Variants in GALNT13 observed in about 807,000 individuals in gnomAD.
GALNT13 encodes the protein UDP-GalNAc:polypeptide N-acetylgalactosaminyltransferase 13.
In GALNT13, 28 loss-of-function variants were observed where a neutral mutation model predicts 64.2. The ratio of observed to expected loss-of-function variants is 0.44; its 90% CI spans 0.32 to 0.60. The LOEUF is 0.60. Ranked by LOEUF, GALNT13 falls within the 20% of genes least tolerant of loss-of-function variation. GALNT13 has a pLI of 0.05. For missense variants in GALNT13, 577 were observed against 669.8 expected (o/e 0.86, Z 1.53); for synonymous variants, 214 against 224.6 (o/e 0.95, Z 0.42).
the GALNT13 span, among the ~76,000 whole-genome samples, chr2:153,725,495 G>T: frequency 1.3e-5 from 2 of 149,364 alleles, no homozygotes; most frequent in African/African-American, 4.9e-5. Flanking sequence ...TAAAAAAAAA[G>T]AAAAAAGCTA....
At chr2:153,752,787 C>G in the GALNT13 span, among the ~76,000 whole-genome samples, 2 of 152,024 alleles carry the variant, frequency 1.3e-5, no homozygotes, top group African/African-American at 4.8e-5. Flanking sequence ...TGATATCTTT[C>G]TCTAGGTTTG....
the GALNT13 span, among the ~76,000 whole-genome samples, chr2:153,522,006 G>A: frequency 5.9e-5 from 9 of 152,104 alleles, no homozygotes; most frequent in Admixed American, 1.3e-4. Flanking sequence ...ATAAACATCT[G>A]TATGCATTTT....
the GALNT13 span, among the ~76,000 whole-genome samples, chr2:153,262,600 A>G: frequency 6.6e-6 from 1 of 152,194 alleles, no homozygotes; most frequent in African/African-American, 2.4e-5. Flanking sequence ...CTTATCCACC[A>G]TGACCACCAA....
chr2:154,373,672 T>C (rs1229156300), intron 9 of GALNT13, among the ~76,000 whole-genome samples: 1 of 152,196 alleles, frequency 6.6e-6, no homozygotes, highest in Admixed American at 6.5e-5. Flanking sequence ...TTTTATATTG[T>C]CTTTACTTAC....
chr2:153,640,082 C>T, the GALNT13 span, among the ~76,000 whole-genome samples: 1 of 151,998 alleles, frequency 6.6e-6, no homozygotes, highest in Non-Finnish European at 1.5e-5. Flanking sequence ...CCTGACTTGA[C>T]CTAGTAATGG....
chr2:154,385,350 A>G (rs974388509), intron 9 of GALNT13, among the ~76,000 whole-genome samples: 1 of 151,922 alleles, frequency 6.6e-6, no homozygotes, highest in Admixed American at 6.6e-5. Flanking sequence ...AGAATTTGCA[A>G]CGTGAGTCCT....
At chr2:154,007,754 T>C (rs1403850439) in intron 3 of GALNT13, among the ~76,000 whole-genome samples, 1 of 151,968 alleles carries the variant, frequency 6.6e-6, no homozygotes, top group African/African-American at 2.4e-5. Flanking sequence ...ATTTTTTGTA[T>C]AGAAGGAGCA....
At chr2:153,144,560 A>T in the GALNT13 span, among the ~76,000 whole-genome samples, 6 of 151,956 alleles carry the variant, frequency 3.9e-5, no homozygotes, top group Non-Finnish European at 8.8e-5. Flanking sequence ...GAAGAGAAGT[A>T]AGTCTGGTAT....
At chr2:154,102,263 C>G (rs1012786455) in intron 3 of GALNT13, among the ~76,000 whole-genome samples, 3 of 152,106 alleles carry the variant, frequency 2.0e-5, no homozygotes, top group Non-Finnish European at 4.4e-5. Flanking sequence ...AGCTAGTGCT[C>G]TCTTGAAAGC....
intron 8 of GALNT13, among the ~76,000 whole-genome samples, chr2:154,261,292 T>A (rs949216611): frequency 4.6e-5 from 7 of 152,190 alleles, no homozygotes; most frequent in African/African-American, 1.7e-4. Flanking sequence ...AGTGACTATT[T>A]TAAAACAATA....
chr2:154,013,265 A>G (rs904502001), intron 3 of GALNT13, among the ~76,000 whole-genome samples: 2 of 151,236 alleles, frequency 1.3e-5, no homozygotes, highest in Non-Finnish European at 2.9e-5. Flanking sequence ...TGATTGTGGT[A>G]TAGGGTGCCT....
At chr2:153,658,504 C>T in the GALNT13 span, among the ~76,000 whole-genome samples, 6 of 152,076 alleles carry the variant, frequency 3.9e-5, no homozygotes, top group African/African-American at 1.2e-4. Flanking sequence ...TTGGCCTTAG[C>T]ATTAATTTAT....
chr2:154,037,274 G>A (rs1429951108), intron 3 of GALNT13, among the ~76,000 whole-genome samples: 1 of 151,942 alleles, frequency 6.6e-6, no homozygotes, highest in Non-Finnish European at 1.5e-5. Context: ...GCCTTGGCTG[G>A]GTTCTCCTAT....
At chr2:153,475,676 A>G in the GALNT13 span, among the ~76,000 whole-genome samples, 2 of 152,292 alleles carry the variant, frequency 1.3e-5, no homozygotes, top group African/African-American at 4.8e-5. Flanking sequence ...GTGCCCGTAC[A>G]CAGCAGAGTA....
chr2:153,400,013 G>A, the GALNT13 span, among the ~76,000 whole-genome samples: 1 of 151,802 alleles, frequency 6.6e-6, no homozygotes, highest in Non-Finnish European at 1.5e-5. Context: ...AGTTTTCAAA[G>A]GGAATGCTTC....
At chr2:153,138,156 A>C in the GALNT13 span, among the ~76,000 whole-genome samples, 1 of 152,096 alleles carries the variant, frequency 6.6e-6, no homozygotes, top group African/African-American at 2.4e-5. Flanking sequence ...AAGGTCCCAC[A>C]GCTATAGAGG....
At chr2:153,455,977 G>A in the GALNT13 span, among the ~76,000 whole-genome samples, 1 of 152,200 alleles carries the variant, frequency 6.6e-6, no homozygotes, top group African/African-American at 2.4e-5. Flanking sequence ...CTAGCCCCCT[G>A]AAGTCCGGCC....
At chr2:153,965,795 AT>A in intron 3 of GALNT13, among the ~76,000 whole-genome samples, 1 of 143,732 alleles carries the variant, frequency 7.0e-6, no homozygotes, top group African/African-American at 2.8e-5. Flanking sequence ...AAAGGAAAAA[AT>A]AAGCAAAAAA....
chr2:154,111,546 G>A (rs184004217), intron 3 of GALNT13, among the ~76,000 whole-genome samples: 242 of 152,232 alleles, frequency 1.6e-3, no homozygotes, highest in Admixed American at 4.2e-3. Flanking sequence ...GTGCTTCCTG[G>A]TGGCAGCATT....
Sources: gnomAD v4.1 joint callset for allele counts (sites outside exome capture counted in the v4.1 genomes callset) on GRCh38, gnomAD v4.1.1 for gene constraint, MANE v1.5 for transcripts, NCBI Gene and HGNC (gene_info 2026-07-23, HGNC 2026-07-21) for gene names.